The following NCAM2 variants were observed in gnomAD, a reference collection of about 807,000 sequenced individuals.
NCAM2 encodes neural cell adhesion molecule 2, also known as N-CAM-2.
In NCAM2, 30 loss-of-function variants were observed where a neutral mutation model predicts 98.1. The ratio of observed to expected loss-of-function variants is 0.31; its 90% confidence interval spans 0.23 to 0.41. The LOEUF is 0.41. Among genes scored for constraint, NCAM2 ranks in the 10% least tolerant of loss-of-function variants. The pLI is 1.00. For missense variants in NCAM2, 867 were observed against 1,005.8 expected, an observed-to-expected ratio of 0.86 and a Z score of 1.87; for synonymous variants, 368 against 342.4, an observed-to-expected ratio of 1.07 and a Z score of -0.83.
At chr21:21,029,131 A>T (rs921321496) in intron 1 of NCAM2, among the ~76,000 whole-genome samples, 6 of 152,216 alleles carry the variant, frequency 3.9e-5, no homozygotes, top group Non-Finnish European at 8.8e-5. Context: ...TCTTTGTTTT[A>T]AAAAACATAT....
chr21:21,211,508 G>C (rs1466164644), intron 1 of NCAM2, among the ~76,000 whole-genome samples: 1 of 152,132 alleles, frequency 6.6e-6, no homozygotes, highest in African/African-American at 2.4e-5. Flanking sequence ...ACCACCTAAT[G>C]TGTTAGTGGG....
intron 5 of NCAM2, among the ~76,000 whole-genome samples, chr21:21,316,479 C>T (rs950197768): frequency 6.6e-6 from 1 of 151,320 alleles, no homozygotes; most frequent in Non-Finnish European, 1.5e-5. Context: ...GTTTTAAAAA[C>T]CAAGATGACC....
intron 1 of NCAM2, among the ~76,000 whole-genome samples, chr21:21,059,867 C>T (rs1046964495): frequency 2.1e-4 from 32 of 151,916 alleles, no homozygotes; most frequent in African/African-American, 7.5e-4. Flanking sequence ...CCACCCTCAA[C>T]GAAGTGCAAA....
intron 1 of NCAM2, among the ~76,000 whole-genome samples, chr21:21,242,523 T>C (rs2071102499): frequency 6.6e-6 from 1 of 152,220 alleles, no homozygotes; most frequent in South Asian, 2.1e-4. Context: ...TCTGGTCATC[T>C]CCATTCTGTT....
chr21:21,272,719 ATCT>A (rs2072564388), intron 1 of NCAM2, among the ~76,000 whole-genome samples: 1 of 152,116 alleles, frequency 6.6e-6, no homozygotes, highest in Non-Finnish European at 1.5e-5. Flanking sequence ...AGGAGATATA[ATCT>A]TATACATTTC....
chr21:21,222,772 T>G (rs536282193), intron 1 of NCAM2, among the ~76,000 whole-genome samples: 2 of 152,136 alleles, frequency 1.3e-5, no homozygotes, highest in Admixed American at 6.6e-5. Context: ...TTACTAAAAC[T>G]TAGTTGATAA....
At chr21:21,332,188 G>A (rs2074732915) in intron 6 of NCAM2, among the ~76,000 whole-genome samples, 1 of 152,154 alleles carries the variant, frequency 6.6e-6, no homozygotes, top group Admixed American at 6.5e-5. Context: ...GATTACAGGT[G>A]TGAGCCACCA....
chr21:21,022,109 A>C (rs1265491333), intron 1 of NCAM2, among the ~76,000 whole-genome samples: 1 of 152,100 alleles, frequency 6.6e-6, no homozygotes, highest in Non-Finnish European at 1.5e-5. Flanking sequence ...AATGTCATAG[A>C]ATGTAGTCTT....
chr21:21,356,011 G>A (rs184079079), intron 8 of NCAM2, among the ~76,000 whole-genome samples: 1 of 152,132 alleles, frequency 6.6e-6, no homozygotes, highest in African/African-American at 2.4e-5. Flanking sequence ...GGTCCTTGCT[G>A]TTTCCGTAGT....
At chr21:21,331,515 C>CTATATATATATA (rs1240961448) in intron 6 of NCAM2, among the ~76,000 whole-genome samples, 1 of 4,786 alleles carries the variant, frequency 2.1e-4, no homozygotes, top group African/African-American at 5.9e-4. Context: ...TACTCTCTCT[C>CTATATATATATA]TCTATATATA....
intron 1 of NCAM2, among the ~76,000 whole-genome samples, chr21:21,041,225 C>A (rs2064897869): frequency 6.6e-6 from 1 of 152,030 alleles, no homozygotes. Context: ...AAAATAAGAT[C>A]ATTTCTCTGT....
chr21:21,071,119 G>C (rs569709925), intron 1 of NCAM2, among the ~76,000 whole-genome samples: 2 of 152,112 alleles, frequency 1.3e-5, no homozygotes, highest in Admixed American at 6.6e-5. Flanking sequence ...TGAGATAAAG[G>C]TTTCAGTGTT....
At chr21:21,129,932 G>T (rs981173135) in intron 1 of NCAM2, among the ~76,000 whole-genome samples, 2 of 152,114 alleles carry the variant, frequency 1.3e-5, no homozygotes, top group Non-Finnish European at 2.9e-5. Context: ...TATTGAATAA[G>T]AATACATTAT....
intron 16 of NCAM2, among the ~76,000 whole-genome samples, chr21:21,515,712 C>T (rs78311279): frequency 6.6e-6 from 1 of 152,230 alleles, no homozygotes; most frequent in African/African-American, 2.4e-5. Flanking sequence ...TGGACATTCA[C>T]CCTGGGTATG....
intron 1 of NCAM2, among the ~76,000 whole-genome samples, chr21:21,167,745 A>G (rs2067997685): frequency 6.6e-6 from 1 of 152,212 alleles, no homozygotes; most frequent in African/African-American, 2.4e-5. Context: ...TCCTTGAATG[A>G]CACAATCTTC....
At chr21:21,447,184 T>C (rs1179296458) in intron 12 of NCAM2, among the ~76,000 whole-genome samples, 2 of 151,982 alleles carry the variant, frequency 1.3e-5, no homozygotes, top group Non-Finnish European at 2.9e-5. Context: ...AAACAGCATG[T>C]TACTGGTATC....
At chr21:21,519,819 A>G (rs182439745) in intron 16 of NCAM2, among the ~76,000 whole-genome samples, 16 of 152,246 alleles carry the variant, frequency 1.1e-4, no homozygotes, top group African/African-American at 3.1e-4. Context: ...GATTTATACT[A>G]TCTTTTACAC....
At chr21:21,055,186 C>T (rs1389520762) in intron 1 of NCAM2, among the ~76,000 whole-genome samples, 3 of 151,644 alleles carry the variant, frequency 2.0e-5, no homozygotes, top group African/African-American at 4.8e-5. Flanking sequence ...AGAAGCTTAC[C>T]CTAGAACTTA....
chr21:21,257,341 T>A (rs960107669), intron 1 of NCAM2, among the ~76,000 whole-genome samples: 8 of 152,160 alleles, frequency 5.3e-5, no homozygotes, highest in African/African-American at 1.9e-4. Context: ...ATAAACTGTT[T>A]ACATGATTTT....
Sources: allele counts gnomAD v4.1 joint callset (sites outside exome capture counted in the v4.1 genomes callset), GRCh38; gene constraint gnomAD v4.1.1; transcripts MANE v1.5; gene names NCBI Gene and HGNC (gene_info 2026-07-23, HGNC 2026-07-21).